PPP1R9B: variants seen among roughly 807,000 people sequenced by gnomAD.
PPP1R9B encodes neurabin-2.
Under a neutral mutation model 75.8 loss-of-function variants are expected in PPP1R9B, and 17 were observed. That is an observed-to-expected ratio of 0.22 (90% confidence interval 0.15 to 0.34). The LOEUF is 0.34. PPP1R9B is among the 10% of genes least tolerant of loss of function. The probability of loss-of-function intolerance (pLI) is 1.00; values close to 1 mark genes in which losing one functional copy is unlikely to be tolerated. For synonymous variants in PPP1R9B, 509 were observed against 535.4 expected, an observed-to-expected ratio of 0.95 and a Z score of 0.68; for missense variants, 875 against 1,196.0, an observed-to-expected ratio of 0.73 and a Z score of 3.96.
rs898874627 is a variant in PPP1R9B, at chr17:50,149,063, G to C, written c.1371+80C>G. On this transcript the variant is annotated intron_variant, in intron 1 of 9. Coordinates refer to ENST00000612501, the MANE Select transcript of PPP1R9B (RefSeq NM_032595.5). The surrounding 1 kb of genome is among the most constrained non-coding windows in gnomAD (Gnocchi z 7.2). ...GGGGCTGACTCAGCCTGCCAAACCCGGCTGGCTGGCTGGCGAGCGGGGGCG... is the reference window on the plus strand; with the variant it reads ...GGGGCTGACTCAGCCTGCCAAACCCCGCTGGCTGGCTGGCGAGCGGGGGCG... 1.9e-6 allele frequency: 2 copies of C among 1,050,300 alleles called. No individual in the cohort carries two copies. Among genetic ancestry groups the C allele is most frequent in the South Asian group, 1.9e-5 (1 of 53,106 alleles). The allele number at this position is 1,050,300 out of a possible 1,614,324, so 65.1% of individuals were successfully genotyped here.
chr17:50,139,724 G>T lies in PPP1R9B; in HGVS notation c.1867-143C>A. The T allele has an allele frequency of 1.0e-6, 1 of 970,220 alleles. No individual in the cohort carries two copies. The highest frequency in any genetic ancestry group is 1.5e-6 in the Non-Finnish European group (1 of 664,410). The allele number at this position is 970,220 out of a possible 1,614,324, so 60.1% of individuals were successfully genotyped here. A position where few individuals can be genotyped will look rare whatever the true frequency, so the allele number is the denominator to read the frequency against. ...TGCCTCCCACTTCAGCCTGAGGCTG[G>T]ACCAGAGACACGGTTTATGTCTTCC... On this transcript the variant is annotated intron_variant, in intron 5 of 9. Transcript: ENST00000612501. This position sits in a 1 kb window ranked among gnomAD's most constrained non-coding sequence, Gnocchi z 5.0.
At chr17:50,141,715 C>G (rs1567728796) in intron 3 of PPP1R9B, among the ~76,000 whole-genome samples, 1 of 151,810 alleles carries the variant, frequency 6.6e-6, no homozygotes, top group Non-Finnish European at 1.5e-5. Context: ...AACAAAAAAC[C>G]TCACAGATAC....
Position 50,139,390 on chromosome 17 carries a change from G to A in PPP1R9B, c.2019+39C>T. ...AGTGCCAAGGGCAGGAGACCTGCCTGCCTTTCCCTCCACCACTCCAGGGAG... is the reference window on the plus strand; with the variant it reads ...AGTGCCAAGGGCAGGAGACCTGCCTACCTTTCCCTCCACCACTCCAGGGAG... On this transcript the variant is annotated intron_variant, in intron 6 of 9. Transcript: ENST00000612501. The surrounding 1 kb of genome is among the most constrained non-coding windows in gnomAD (Gnocchi z 5.0). 1 of 1,612,926 alleles carries A rather than the reference G, an allele frequency of 6.2e-7. No individual in the cohort carries two copies.
rs779520375 is a variant in PPP1R9B at position 50,149,977 on chromosome 17, C to A, written c.537G>T (p.Gln179His). ...GCACCACGACGTCCAGCTTCCGGTC[C>A]TGCAGGCCGGCGCGCTCCTGCCTCA... Reference protein sequence around the residue: ...RLLRQERAGLQDRKLDVVVRF... With the variant: ...RLLRQERAGLHDRKLDVVVRF... Residue 179 changes from glutamine (Q) to histidine (H), a missense_variant, in exon 1 of 10, where the codon CAG (glutamine) becomes CAT (histidine). By Grantham distance (24) the Gln-to-His change is conservative. This residue lies in a region of PPP1R9B where 449 missense variants were observed against 475.0 expected (regional missense o/e 0.95). Coordinates refer to ENST00000612501, the MANE Select transcript of PPP1R9B (RefSeq NM_032595.5). The surrounding 1 kb of genome is among the most constrained non-coding windows in gnomAD (Gnocchi z 7.2). The A allele has an allele frequency of 1.3e-6, 2 of 1,510,830 alleles. No individual in the cohort carries two copies. Among genetic ancestry groups the A allele is most frequent in the Non-Finnish European group, 1.8e-6 (2 of 1,138,504 alleles). The allele number at this position is 1,510,830 out of a possible 1,614,324, so 93.6% of individuals were successfully genotyped here. A position where few individuals can be genotyped will look rare whatever the true frequency, so the allele number is the denominator to read the frequency against.
chr17:50,135,595 C>T lies in PPP1R9B; in HGVS notation c.2358G>A (p.Ser786=), dbSNP rs367543182. 1.4e-5 allele frequency: 23 copies of T among 1,611,248 alleles called. No individual in the cohort carries two copies. Among genetic ancestry groups the T allele is most frequent in the Middle Eastern group, 3.3e-4 (2 of 6,076 alleles). Residue 786 remains serine (S), a synonymous_variant, in exon 9 of 10, where the codon TCG becomes TCA. Transcript: ENST00000612501. ...ETAQRRVLEE[S]ELARKEEMDK... The stretch of plus-strand genomic sequence containing the variant: ...CCATCTCCTCCTTTCTGGCCAGCTC[C>T]GACTCCTCCAGAACCCGACGCTGTG...
chr17:50,138,497 G>A (rs1912287664), intron 7 of PPP1R9B, among the ~76,000 whole-genome samples: 1 of 152,142 alleles, frequency 6.6e-6, no homozygotes, highest in Non-Finnish European at 1.5e-5. Flanking sequence ...GTGTCAGTGT[G>A]TGTACTTCTG....
intron 7 of PPP1R9B, among the ~76,000 whole-genome samples, chr17:50,138,601 G>A (rs780121231): frequency 2.0e-5 from 3 of 152,194 alleles, no homozygotes; most frequent in Admixed American, 6.5e-5. Context: ...AGCATGCTTC[G>A]GTATCACAGC....
Position 50,139,672 on chromosome 17 carries a change from C to A in PPP1R9B, c.1867-91G>T. 7.1e-7 allele frequency: 1 copy of A among 1,404,926 alleles called. No homozygotes were observed. The allele number at this position is 1,404,926 out of a possible 1,614,324, so 87.0% of individuals were successfully genotyped here. A position where few individuals can be genotyped will look rare whatever the true frequency, so the allele number is the denominator to read the frequency against. On this transcript the variant is annotated intron_variant, in intron 5 of 9. Coordinates refer to ENST00000612501, the MANE Select transcript of PPP1R9B (RefSeq NM_032595.5). This position sits in a 1 kb window ranked among gnomAD's most constrained non-coding sequence, Gnocchi z 5.0. ...GCTGGGACCAGTTGCCCATGCCAGA[C>A]AGAGAGCTACCCAGGAATGTGGTTC...
At position 50,149,404 on chromosome 17, in the gene PPP1R9B, C is replaced by G; in HGVS notation, c.1110G>C (p.Arg370=). 6.2e-7 allele frequency: 1 copy of G among 1,612,332 alleles called. No individual in the cohort carries two copies. The highest frequency in any genetic ancestry group is 8.5e-7 in the Non-Finnish European group (1 of 1,179,540). The change falls in exon 1 of 10, where the codon CGG becomes CGC. Residue 370 remains arginine (R), a synonymous_variant. Transcript: ENST00000612501. The surrounding 1 kb of genome is among the most constrained non-coding windows in gnomAD (Gnocchi z 7.2). ...APPERGVGNG[R]APDVAPEEVD... The stretch of plus-strand genomic sequence containing the variant: ...CCTCCTCAGGGGCCACGTCCGGGGC[C>G]CGGCCATTGCCCACCCCCCTCTCTG...
Position 50,136,199 on chromosome 17 carries a change from TGA to T in PPP1R9B, c.2074-4_2074-3del, listed in dbSNP as rs777231999. The T allele has an allele frequency of 6.3e-7, 1 of 1,599,538 alleles. No individual in the cohort carries two copies. The highest frequency in any genetic ancestry group is 2.2e-5 in the East Asian group (1 of 44,862). Reference sequence around the variant, plus strand: ...CTTCTCCTGCTCCAGGCTCTGCAGCTGAGAGAGAAAGGCACGGCCCTGGGTTG... The same window carrying T: ...CTTCTCCTGCTCCAGGCTCTGCAGCTGAGAGAAAGGCACGGCCCTGGGTTG... On this transcript the variant is annotated splice_region_variant and splice_polypyrimidine_tract_variant and intron_variant, in intron 7 of 9. Transcript: ENST00000612501.
In PPP1R9B at chr17:50,148,765, C is replaced by A. The variant is rs74816917; in HGVS notation, c.1371+378G>T. 8.1e-4 allele frequency among the ~76,000 whole-genome samples: 123 copies of A among 152,364 alleles called. 2 individuals carry two copies. In the East Asian group the frequency reaches 0.022, roughly 27 times the overall value. ...AGGGCAAATGTCTCTCCTGAAGACACACACACCCCTTCACACTACCCAACC... is the reference window on the plus strand; with the variant it reads ...AGGGCAAATGTCTCTCCTGAAGACAAACACACCCCTTCACACTACCCAACC... On this transcript the variant is annotated intron_variant, in intron 1 of 9. Coordinates refer to ENST00000612501, the MANE Select transcript of PPP1R9B (RefSeq NM_032595.5).
chr17:50,142,126 C>T lies in PPP1R9B; in HGVS notation c.1626-753G>A, dbSNP rs1360687989. Among the ~76,000 whole-genome samples the T allele has an allele frequency of 6.6e-6, 1 of 152,202 alleles. No homozygotes were observed. The highest frequency in any genetic ancestry group is 1.5e-5 in the Non-Finnish European group (1 of 68,030). On this transcript the variant is annotated intron_variant, in intron 3 of 9. Transcript: ENST00000612501. This position sits in a 1 kb window ranked among gnomAD's most constrained non-coding sequence, Gnocchi z 4.1. ...CCACACACACCTGATACAGGTGCAC[C>T]TGCCGACACACTCCAGTTGTGTCCC... is the stretch of plus-strand genomic sequence containing the variant.
At chr17:50,140,384 G>A in intron 4 of PPP1R9B, 156 bp from the exon 5 acceptor site, 2 of 954,528 alleles carry the variant, frequency 2.1e-6, no homozygotes, top group East Asian at 2.7e-5. Flanking sequence ...ATGAATGGGG[G>A]AATGAGGGCC....
Position 50,140,181 on chromosome 17 carries a change from T to C in PPP1R9B, c.1778A>G (p.Gln593Arg). ...CTGTTCCAAAGTCTGCTGAATTAGCTGGGCCACTTCGCTCTGCTCTCCCGG... is the reference window on the plus strand; with the variant it reads ...CTGTTCCAAAGTCTGCTGAATTAGCCGGGCCACTTCGCTCTGCTCTCCCGG... ...ERPGEQSEVAQLIQQTLEQER... is the reference protein window; with the variant it reads ...ERPGEQSEVARLIQQTLEQER... Residue 593 changes from glutamine to arginine, a missense_variant, in exon 5 of 10, where the codon CAG (glutamine) becomes CGG (arginine). This residue lies in a region of PPP1R9B where 218 missense variants were observed against 334.6 expected (regional missense o/e 0.65). Transcript: ENST00000612501. 1.9e-6 allele frequency: 3 copies of C among 1,610,708 alleles called. No individual in the cohort carries two copies. The highest frequency in any genetic ancestry group is 2.5e-6 in the Non-Finnish European group (3 of 1,178,604).
intron 4 of PPP1R9B, chr17:50,140,453 T>G: frequency 9.5e-5 from 54 of 566,766 alleles, no homozygotes; most frequent in Middle Eastern, 4.8e-4. Flanking sequence ...CTGGCCAGTA[T>G]TGCGGGAGGG....
At chr17:50,140,255 G>A (rs761560161) in intron 4 of PPP1R9B, 27 bp from the exon 5 acceptor site, 9 of 1,573,660 alleles carry the variant, frequency 5.7e-6, no homozygotes, top group Admixed American at 3.7e-5. Context: ...ATCATCCGCT[G>A]CCTCTGTCCT....
At chr17:50,148,916 C>T (rs1912592491) in intron 1 of PPP1R9B, among the ~76,000 whole-genome samples, 1 of 151,838 alleles carries the variant, frequency 6.6e-6, no homozygotes, top group Admixed American at 6.6e-5. Context: ...GCGGAGGAAC[C>T]TGAGGGCAGG....
chr17:50,150,256 C>A lies in PPP1R9B; in HGVS notation c.258G>T (p.Ala86=). 2 of 1,438,012 alleles carry A rather than the reference C, an allele frequency of 1.4e-6. No homozygotes were observed. The highest frequency in any genetic ancestry group is 1.8e-6 in the Non-Finnish European group (2 of 1,088,412). 89.1% of individuals were successfully genotyped at this position (1,438,012 alleles called of 1,614,324 possible). The change falls in exon 1 of 10, where the codon GCG becomes GCT. Residue 86 remains alanine, a synonymous_variant. Transcript: ENST00000612501. This position sits in a 1 kb window ranked among gnomAD's most constrained non-coding sequence, Gnocchi z 8.7. ...GGAGLAEAPR[A]SERGVRLSLP... ...GCGACAGGCGCACGCCGCGCTCGGA[C>A]GCCCGTGGGGCCTCGGCCAGGCCCG...
intron 1 of PPP1R9B, among the ~76,000 whole-genome samples, chr17:50,145,512 T>C (rs1912491298): frequency 6.6e-6 from 1 of 152,100 alleles, no homozygotes. Flanking sequence ...AGCGTGAGCA[T>C]GGTCTGCCAT....
Sources: allele counts gnomAD v4.1 joint callset (sites outside exome capture counted in the v4.1 genomes callset), GRCh38; gene constraint gnomAD v4.1.1; regional missense constraint gnomAD v4.1.1; non-coding constraint Gnocchi (gnomAD v3.1); transcripts MANE v1.5; gene names NCBI Gene and HGNC (gene_info 2026-07-23, HGNC 2026-07-21).